The following FSTL4 variants were observed in gnomAD, a reference collection of about 807,000 sequenced individuals.
FSTL4 encodes follistatin like 4, also known as follistatin-related protein 4.
Under a neutral mutation model 78.2 loss-of-function variants are expected in FSTL4, and 28 were observed. The observed-to-expected ratio is 0.36, with a 90% CI of 0.27 to 0.49. FSTL4 has a LOEUF of 0.49. Ranked by LOEUF, FSTL4 falls within the 20% of genes least tolerant of loss-of-function variation. The probability of loss-of-function intolerance (pLI) is 0.98; values close to 1 mark genes in which losing one functional copy is unlikely to be tolerated. For missense variants in FSTL4, 922 were observed against 1,084.9 expected (o/e 0.85, Z 2.11); for synonymous variants, 422 against 440.5 (o/e 0.96, Z 0.53).
chr5:133,214,339 G>A (rs1225798317), intron 13 of FSTL4, among the ~76,000 whole-genome samples: 1 of 152,160 alleles, frequency 6.6e-6, no homozygotes, highest in Non-Finnish European at 1.5e-5. Flanking sequence ...CTCTGGCCAG[G>A]GGAATCAATA....
At chr5:133,498,564 C>T (rs949296994) in intron 3 of FSTL4, among the ~76,000 whole-genome samples, 1 of 151,846 alleles carries the variant, frequency 6.6e-6, no homozygotes, top group Admixed American at 6.6e-5. Flanking sequence ...ACTAAATATA[C>T]AAAATTAACT....
At chr5:133,534,160 TA>T (rs138771299) in intron 3 of FSTL4, among the ~76,000 whole-genome samples, 8,205 of 144,274 alleles carry the variant, frequency 0.057, 307 homozygotes, top group Non-Finnish European at 0.082. Context: ...AACCTGATTG[TA>T]AAAAAAAAAA....
chr5:133,833,233 G>A, the FSTL4 span, among the ~76,000 whole-genome samples: 1 of 152,222 alleles, frequency 6.6e-6, no homozygotes, highest in Admixed American at 6.5e-5. Flanking sequence ...TGGAGTCACT[G>A]AGATTTGGGA....
the FSTL4 span, among the ~76,000 whole-genome samples, chr5:133,648,187 T>C: frequency 2.6e-5 from 4 of 151,890 alleles, no homozygotes; most frequent in Non-Finnish European, 5.9e-5. Flanking sequence ...GGAAGAAAAA[T>C]AAAGTACAAA....
the FSTL4 span, among the ~76,000 whole-genome samples, chr5:133,630,425 C>T: frequency 1.3e-5 from 2 of 152,104 alleles, no homozygotes; most frequent in African/African-American, 4.8e-5. Context: ...ACCTAGGAAT[C>T]CAACTTACAA....
At position 133,464,915 on chromosome 5, in the gene FSTL4, T is replaced by C. The variant is rs551043827; in HGVS notation, c.161-63929A>G. On this transcript the variant is annotated intron_variant, in intron 3 of 15. Coordinates refer to ENST00000265342, the MANE Select transcript of FSTL4 (RefSeq NM_015082.2). ...AGCAGTCTCTACTCAACCACATCTA[T>C]AATACATCCCCAAGAAGTCAGTGCT... is the stretch of plus-strand genomic sequence containing the variant. 3.3e-5 allele frequency among the ~76,000 whole-genome samples: 5 copies of C among 152,334 alleles called. No individual in the cohort carries two copies. In the South Asian group the frequency reaches 1.0e-3, roughly 32 times the overall value.
At chr5:133,394,643 T>C (rs896532342) in intron 4 of FSTL4, among the ~76,000 whole-genome samples, 8 of 152,168 alleles carry the variant, frequency 5.3e-5, no homozygotes, top group Non-Finnish European at 1.2e-4. Context: ...CCCACCACTG[T>C]GGGCTCCTGC....
chr5:133,434,824 T>C (rs1409595408), intron 3 of FSTL4, among the ~76,000 whole-genome samples: 1 of 152,086 alleles, frequency 6.6e-6, no homozygotes, highest in African/African-American at 2.4e-5. Context: ...AAATATATTG[T>C]TAACTGTTTT....
At chr5:133,497,586 T>C (rs1184585202) in intron 3 of FSTL4, among the ~76,000 whole-genome samples, 1 of 152,102 alleles carries the variant, frequency 6.6e-6, no homozygotes, top group Non-Finnish European at 1.5e-5. Flanking sequence ...CCTGAATCTG[T>C]GGGGGTCACG....
chr5:133,340,395 C>T (rs895756651), intron 4 of FSTL4, among the ~76,000 whole-genome samples: 1 of 152,064 alleles, frequency 6.6e-6, no homozygotes, highest in African/African-American at 2.4e-5. Context: ...GGTTTGATCC[C>T]AGGGAGTCCA....
At chr5:133,321,692 G>A (rs75499479) in intron 4 of FSTL4, among the ~76,000 whole-genome samples, 2,517 of 152,334 alleles carry the variant, frequency 0.017, 20 homozygotes, top group Non-Finnish European at 0.027. Flanking sequence ...GCTGGGGCCC[G>A]GATCCCATTG....
At chr5:133,773,727 A>G in the FSTL4 span, among the ~76,000 whole-genome samples, 5 of 152,118 alleles carry the variant, frequency 3.3e-5, no homozygotes, top group East Asian at 9.6e-4. Context: ...GCCTTTATAA[A>G]TAGTACTTGC....
the FSTL4 span, among the ~76,000 whole-genome samples, chr5:133,711,942 C>T: frequency 6.6e-6 from 1 of 152,128 alleles, no homozygotes; most frequent in Non-Finnish European, 1.5e-5. Context: ...GGCTTCATTT[C>T]ACAGATGGGA....
At chr5:133,663,254 T>C in the FSTL4 span, among the ~76,000 whole-genome samples, 3 of 152,206 alleles carry the variant, frequency 2.0e-5, no homozygotes, top group Admixed American at 1.3e-4. Flanking sequence ...AAATAAGGTC[T>C]TTCACTGAGT....
chr5:133,805,129 C>T, the FSTL4 span, among the ~76,000 whole-genome samples: 1 of 151,790 alleles, frequency 6.6e-6, no homozygotes, highest in Non-Finnish European at 1.5e-5. Context: ...ACTCAGTACT[C>T]CTTCATCCAC....
rs1252067798 is a variant in FSTL4 at position 133,225,499 on chromosome 5, A to C, written c.1177+159T>G. On this transcript the variant is annotated intron_variant, in intron 9 of 15. Transcript: ENST00000265342. This position sits in a 1 kb window ranked among gnomAD's most constrained non-coding sequence, Gnocchi z 4.6. Reference sequence around the variant, plus strand: ...CATTGCTGTCAGAAAGCCCCAAAAGATCTGTGTGAGCCCAGATAACAGGGA... The same window carrying C: ...CATTGCTGTCAGAAAGCCCCAAAAGCTCTGTGTGAGCCCAGATAACAGGGA... 6.6e-6 allele frequency among the ~76,000 whole-genome samples: 1 copy of C among 152,128 alleles called. No individual in the cohort carries two copies. Among genetic ancestry groups the C allele is most frequent in the Admixed American group, 6.5e-5 (1 of 15,284 alleles).
chr5:133,314,575 G>T (rs1282777200), intron 5 of FSTL4, among the ~76,000 whole-genome samples: 1 of 152,018 alleles, frequency 6.6e-6, no homozygotes, highest in Non-Finnish European at 1.5e-5. Context: ...ACCATGTGGT[G>T]CCTCTTGGTG....
At chr5:133,522,769 A>G (rs1443883641) in intron 3 of FSTL4, among the ~76,000 whole-genome samples, 1 of 152,230 alleles carries the variant, frequency 6.6e-6, no homozygotes, top group African/African-American at 2.4e-5. Flanking sequence ...AAAAGCCCCA[A>G]TTATCATTAA....
chr5:133,682,693 C>T, the FSTL4 span, among the ~76,000 whole-genome samples: 2 of 152,232 alleles, frequency 1.3e-5, no homozygotes, highest in Non-Finnish European at 1.5e-5. Flanking sequence ...GAAATGCTCA[C>T]ACATTCCACC....
Sources: allele counts gnomAD v4.1 joint callset (sites outside exome capture counted in the v4.1 genomes callset), GRCh38; gene constraint gnomAD v4.1.1; non-coding constraint Gnocchi (gnomAD v3.1); transcripts MANE v1.5; gene names NCBI Gene and HGNC (gene_info 2026-07-23, HGNC 2026-07-21).